The following CSNK1A1 variants were observed in gnomAD, a reference collection of about 807,000 sequenced individuals.
CSNK1A1 encodes the protein casein kinase I isoform alpha.
CSNK1A1 carries 7 observed loss-of-function variants against 46.1 expected under a neutral mutation model. The ratio of observed to expected loss-of-function variants is 0.15; its 90% confidence interval spans 0.09 to 0.29. CSNK1A1 has a LOEUF of 0.29. CSNK1A1 is among the 10% of genes least tolerant of loss of function. The probability of loss-of-function intolerance (pLI) is 1.00; values close to 1 mark genes in which losing one functional copy is unlikely to be tolerated. For synonymous variants in CSNK1A1, 137 were observed against 141.5 expected (o/e 0.97, Z 0.23); for missense variants, 96 against 417.1 (o/e 0.23, Z 6.71).
intron 2 of CSNK1A1, among the ~76,000 whole-genome samples, chr5:149,541,927 C>T (rs1046504076): frequency 2.8e-5 from 4 of 142,746 alleles, no homozygotes; most frequent in African/African-American, 7.9e-5. Flanking sequence ...GTCAAGATCA[C>T]GCCATTGCAT....
intron 3 of CSNK1A1, among the ~76,000 whole-genome samples, chr5:149,524,245 A>C (rs1057117268): frequency 2.0e-5 from 3 of 152,020 alleles, no homozygotes; most frequent in Admixed American, 1.3e-4. Context: ...CCTCCATTAT[A>C]TTTTTAAATG....
At position 149,551,075 on chromosome 5, in the gene CSNK1A1, C is replaced by G; in HGVS notation, c.-111G>C. On this transcript the variant is annotated 5_prime_UTR_variant, in exon 1 of 10. Transcript: ENST00000377843. Reference sequence around the variant, plus strand: ...GGCTACGGAGGAGGGCGGCAGGAAACGGAACACGGAGGCCTTTACCGGGGT... The same window carrying G: ...GGCTACGGAGGAGGGCGGCAGGAAAGGGAACACGGAGGCCTTTACCGGGGT... 8.0e-7 allele frequency: 1 copy of G among 1,246,086 alleles called. No individual in the cohort carries two copies. Among genetic ancestry groups the G allele is most frequent in the African/African-American group, 1.5e-5 (1 of 66,746 alleles). 77.2% of individuals were successfully genotyped at this position (1,246,086 alleles called of 1,614,324 possible).
At chr5:149,547,523 T>A (rs188071033) in intron 2 of CSNK1A1, among the ~76,000 whole-genome samples, 1 of 152,330 alleles carries the variant, frequency 6.6e-6, no homozygotes, top group East Asian at 1.9e-4. Flanking sequence ...TCTCCCAACA[T>A]AGATGAATCT....
At chr5:149,511,678 C>T (rs1761227811) in intron 6 of CSNK1A1, 116 bp downstream of exon 6, 4 of 721,682 alleles carry the variant, frequency 5.5e-6, no homozygotes, top group Non-Finnish European at 9.2e-6. Flanking sequence ...AAGGTTAATT[C>T]TTTATATCTC....
At chr5:149,502,322 A>G in intron 9 of CSNK1A1, 2 of 968,118 alleles carry the variant, frequency 2.1e-6, no homozygotes, top group Non-Finnish European at 2.5e-6. Context: ...CTCTGTGAAG[A>G]GTAATATAAA....
chr5:149,502,524 G>A (rs1387254666), intron 9 of CSNK1A1: 2 of 219,418 alleles, frequency 9.1e-6, no homozygotes, highest in Middle Eastern at 2.2e-3. Flanking sequence ...TTTTTTTGGG[G>A]GGGGGGGGGT....
intron 6 of CSNK1A1, among the ~76,000 whole-genome samples, chr5:149,511,143 C>T (rs1329042473): frequency 6.6e-6 from 1 of 152,114 alleles, no homozygotes; most frequent in African/African-American, 2.4e-5. Flanking sequence ...CTGGGCAACA[C>T]AGTGAGGCAC....
intron 2 of CSNK1A1, among the ~76,000 whole-genome samples, chr5:149,540,058 T>C: frequency 6.6e-6 from 1 of 152,186 alleles, no homozygotes; most frequent in East Asian, 1.9e-4. Flanking sequence ...CAATTATACC[T>C]TAAAATTAGA....
chr5:149,534,508 A>C (rs1315001589), intron 2 of CSNK1A1, among the ~76,000 whole-genome samples: 2 of 133,162 alleles, frequency 1.5e-5, no homozygotes, highest in Non-Finnish European at 3.3e-5. Flanking sequence ...AAAAAAAAAA[A>C]GAAGGCTTCC....
intron 9 of CSNK1A1, chr5:149,498,855 T>C: frequency 1.0e-6 from 1 of 985,422 alleles, no homozygotes; most frequent in Non-Finnish European, 1.2e-6. Flanking sequence ...GAAACTCTTG[T>C]GCCTTTAATA....
chr5:149,545,532 C>A (rs571916304), intron 2 of CSNK1A1: 1 of 657,014 alleles, frequency 1.5e-6, no homozygotes, highest in Non-Finnish European at 2.8e-6. Context: ...AAGCACACTT[C>A]CCAAGCTTGG....
Position 149,510,750 on chromosome 5 carries a change from G to T in CSNK1A1, c.676-797C>A, listed in dbSNP as rs143714133. 5.6e-3 allele frequency among the ~76,000 whole-genome samples: 846 copies of T among 152,142 alleles called. 12 individuals carry two copies. Among genetic ancestry groups the T allele is most frequent in the African/African-American group, 0.019 (786 of 41,482 alleles). On this transcript the variant is annotated intron_variant, in intron 6 of 9. Transcript: ENST00000377843. ...TGGCTGGGCCTCCCAAAGTGTTGAA[G>T]ATTATAGGCATGAGCCACCATGCTC... is the stretch of plus-strand genomic sequence containing the variant.
intron 2 of CSNK1A1, among the ~76,000 whole-genome samples, chr5:149,538,899 G>T (rs1206516280): frequency 6.7e-6 from 1 of 149,722 alleles, no homozygotes; most frequent in African/African-American, 2.5e-5. Context: ...TCCAGCTTGG[G>T]CAACAAGAGC....
At chr5:149,536,778 T>C (rs1307320055) in intron 2 of CSNK1A1, among the ~76,000 whole-genome samples, 1 of 152,184 alleles carries the variant, frequency 6.6e-6, no homozygotes, top group African/African-American at 2.4e-5. Flanking sequence ...GACCAGACCA[T>C]TAAAAAGTAG....
chr5:149,544,760 T>TACACAC (rs1454842686), intron 2 of CSNK1A1, among the ~76,000 whole-genome samples: 17 of 138,612 alleles, frequency 1.2e-4, no homozygotes, highest in Middle Eastern at 7.7e-3. Flanking sequence ...TATATATATA[T>TACACAC]ATATAGTTAT....
At chr5:149,547,872 G>GT (rs1293139845) in intron 2 of CSNK1A1, among the ~76,000 whole-genome samples, 1 of 149,886 alleles carries the variant, frequency 6.7e-6, no homozygotes, top group East Asian at 2.0e-4. Context: ...TTTTTGTTGT[G>GT]TTTTTTTGTG....
At chr5:149,534,759 GTCTC>G (rs943290273) in intron 2 of CSNK1A1, among the ~76,000 whole-genome samples, 4 of 151,024 alleles carry the variant, frequency 2.6e-5, no homozygotes, top group African/African-American at 9.7e-5. Flanking sequence ...AAAGACCCCG[GTCTC>G]TCTATGAAAA....
chr5:149,531,362 C>A (rs1761890741), intron 2 of CSNK1A1, among the ~76,000 whole-genome samples: 1 of 151,100 alleles, frequency 6.6e-6, no homozygotes, highest in South Asian at 2.1e-4. Flanking sequence ...TGGAGAAATC[C>A]CATCTCTAAT....
At chr5:149,532,114 C>T (rs536376597) in intron 2 of CSNK1A1, among the ~76,000 whole-genome samples, 3 of 152,060 alleles carry the variant, frequency 2.0e-5, no homozygotes, top group African/African-American at 2.4e-5. Flanking sequence ...CCTGGCCTCA[C>T]GTGATCCGCC....
Sources: allele counts gnomAD v4.1 joint callset (sites outside exome capture counted in the v4.1 genomes callset), GRCh38; gene constraint gnomAD v4.1.1; transcripts MANE v1.5; gene names NCBI Gene and HGNC (gene_info 2026-07-23, HGNC 2026-07-21).